Variants in CDH13 observed in about 807,000 individuals in gnomAD.
The protein encoded by CDH13 is cadherin 13, also known as cadherin-13.
In CDH13, 24 loss-of-function variants were observed where a neutral mutation model predicts 63.8. The ratio of observed to expected loss-of-function variants is 0.38; its 90% CI spans 0.27 to 0.53. CDH13 has a LOEUF of 0.53. Among genes scored for constraint, CDH13 ranks in the 20% least tolerant of loss-of-function variants. The pLI is 0.85. For synonymous variants in CDH13, 503 were observed against 355.3 expected, an observed-to-expected ratio of 1.42 and a Z score of -4.67; for missense variants, 1,049 against 903.1, an observed-to-expected ratio of 1.16 and a Z score of -2.07.
chr16:83,409,634 C>A (rs2092098015), intron 6 of CDH13, among the ~76,000 whole-genome samples: 1 of 152,252 alleles, frequency 6.6e-6, no homozygotes, highest in East Asian at 1.9e-4. Context: ...ACTGAATTAC[C>A]AACATGCATC....
At chr16:83,113,232 T>C (rs1020619701) in intron 3 of CDH13, among the ~76,000 whole-genome samples, 4 of 152,222 alleles carry the variant, frequency 2.6e-5, no homozygotes, top group African/African-American at 7.2e-5. Flanking sequence ...AGAATCCAAC[T>C]GAGAGTGGCA....
chr16:83,598,191 C>T (rs1040755252), intron 7 of CDH13, among the ~76,000 whole-genome samples: 3 of 152,080 alleles, frequency 2.0e-5, no homozygotes, highest in Admixed American at 1.3e-4. Flanking sequence ...CATGGAGAGA[C>T]CCTGTCTCTA....
chr16:82,690,002 A>G (rs2150974191), intron 1 of CDH13, among the ~76,000 whole-genome samples: 1 of 139,612 alleles, frequency 7.2e-6, no homozygotes, highest in East Asian at 2.0e-4. Flanking sequence ...AAAAAAAAAA[A>G]AAAAAAAAAA....
At chr16:83,216,427 T>A (rs4334284) in intron 4 of CDH13, among the ~76,000 whole-genome samples, 1,844 of 44,358 alleles carry the variant, frequency 0.042, 65 homozygotes, top group East Asian at 0.067. Flanking sequence ...TATATATATA[T>A]ATATATATAT....
chr16:83,542,052 G>A lies in CDH13; in HGVS notation c.960+55397G>A, dbSNP rs1177557886. On this transcript the variant is annotated intron_variant, in intron 7 of 13. Coordinates refer to ENST00000567109, the MANE Select transcript of CDH13 (RefSeq NM_001257.5). Reference sequence around the variant, plus strand: ...CTTGCTCCTTACAGTGTAGGCCATGGGCCACCATGGCATCACCCCAGAGCT... The same window carrying A: ...CTTGCTCCTTACAGTGTAGGCCATGAGCCACCATGGCATCACCCCAGAGCT... Among the ~76,000 whole-genome samples, 2 of 152,164 alleles carry A rather than the reference G, an allele frequency of 1.3e-5. 1 individual carries two copies. Among genetic ancestry groups the A allele is most frequent in the Admixed American group, 1.3e-4 (2 of 15,282 alleles).
chr16:83,529,091 C>CTTTTTTT (rs10562201), intron 7 of CDH13, among the ~76,000 whole-genome samples: 1 of 140,494 alleles, frequency 7.1e-6, no homozygotes, highest in African/African-American at 2.6e-5. Flanking sequence ...ATACCTCTGT[C>CTTTTTTT]TTTTTTTTTT....
At chr16:83,067,632 T>C (rs2032118708) in intron 3 of CDH13, among the ~76,000 whole-genome samples, 2 of 152,326 alleles carry the variant, frequency 1.3e-5, no homozygotes, top group South Asian at 4.1e-4. Flanking sequence ...ATGCACAACC[T>C]ATAATAATTT....
At chr16:82,961,260 C>G (rs894904712) in intron 2 of CDH13, among the ~76,000 whole-genome samples, 1 of 152,194 alleles carries the variant, frequency 6.6e-6, no homozygotes, top group African/African-American at 2.4e-5. Context: ...GGCCTAAAAC[C>G]CCGGCCTTTG....
At chr16:83,647,312 CAAAAA>C in intron 8 of CDH13, among the ~76,000 whole-genome samples, 1 of 86,414 alleles carries the variant, frequency 1.2e-5, no homozygotes, top group South Asian at 3.8e-4. Flanking sequence ...GACTCTGTCT[CAAAAA>C]AAAAAAAAAA....
At chr16:83,209,998 C>T (rs1005445434) in intron 4 of CDH13, among the ~76,000 whole-genome samples, 3 of 151,952 alleles carry the variant, frequency 2.0e-5, no homozygotes, top group Admixed American at 1.3e-4. Context: ...AGGTGGAGAC[C>T]CATCAAAGAA....
At chr16:82,825,914 T>A in intron 1 of CDH13, 1 of 149,998 alleles carries the variant, frequency 6.7e-6, no homozygotes, top group East Asian at 2.0e-4. Flanking sequence ...AGTGCAGTGG[T>A]GCGATCTTGG....
chr16:82,686,416 T>A (rs1367750389), intron 1 of CDH13, among the ~76,000 whole-genome samples: 1 of 152,140 alleles, frequency 6.6e-6, no homozygotes, highest in African/African-American at 2.4e-5. Context: ...GGTGCCAGCT[T>A]CCCTTGTGTG....
chr16:83,713,366 C>A (rs1908355844), intron 10 of CDH13, among the ~76,000 whole-genome samples: 2 of 152,144 alleles, frequency 1.3e-5, no homozygotes, highest in African/African-American at 4.8e-5. Flanking sequence ...TTCTTTGAGT[C>A]CGACTTATTT....
In CDH13 at chr16:83,019,603, C is replaced by G. The variant is rs544124798; in HGVS notation, c.158-12407C>G. Among the ~76,000 whole-genome samples the G allele has an allele frequency of 5.0e-4, 75 of 151,304 alleles. No individual in the cohort carries two copies. In the South Asian group the frequency reaches 0.015, roughly 31 times the overall value. On this transcript the variant is annotated intron_variant, in intron 2 of 13. Transcript: ENST00000567109. ...CTCTGCCTCCTGGGTTCAAGTGATC[C>G]TCCTGCCCAAGCATCCCGGTTAGTT... is the stretch of plus-strand genomic sequence containing the variant.
intron 8 of CDH13, among the ~76,000 whole-genome samples, chr16:83,670,029 C>A (rs1047236237): frequency 1.3e-5 from 2 of 152,200 alleles, no homozygotes; most frequent in Non-Finnish European, 2.9e-5. Context: ...ACCACACCTA[C>A]TTGAAACAAG....
chr16:83,553,681 C>T (rs2075552125), intron 7 of CDH13, among the ~76,000 whole-genome samples: 1 of 152,150 alleles, frequency 6.6e-6, no homozygotes, highest in Non-Finnish European at 1.5e-5. Flanking sequence ...ATCAGCCTCC[C>T]AAGTAGTTGG....
At chr16:83,717,268 A>AG (rs558804030) in intron 10 of CDH13, among the ~76,000 whole-genome samples, 5 of 152,204 alleles carry the variant, frequency 3.3e-5, no homozygotes, top group Admixed American at 6.5e-5. Context: ...TCCAAAAAAA[A>AG]AAGAAAAGAA....
intron 7 of CDH13, among the ~76,000 whole-genome samples, chr16:83,570,232 CCAAA>C (rs746818637): frequency 7.2e-5 from 11 of 152,276 alleles, no homozygotes; most frequent in East Asian, 5.8e-4. Context: ...ATCGTAGATG[CCAAA>C]CAGAGTATCC....
intron 8 of CDH13, among the ~76,000 whole-genome samples, chr16:83,626,134 C>G (rs1191551471): frequency 6.6e-6 from 1 of 152,094 alleles, no homozygotes; most frequent in Non-Finnish European, 1.5e-5. Flanking sequence ...TGTCAGCCTC[C>G]TGCGTAGCTG....
Sources: allele counts gnomAD v4.1 joint callset (sites outside exome capture counted in the v4.1 genomes callset), GRCh38; gene constraint gnomAD v4.1.1; transcripts MANE v1.5; gene names NCBI Gene and HGNC (gene_info 2026-07-23, HGNC 2026-07-21).